CDKN2A: variants seen among roughly 807,000 people sequenced by gnomAD.
The protein encoded by CDKN2A is cyclin dependent kinase inhibitor 2A.
A neutral mutation model predicts 11.1 loss-of-function variants in CDKN2A; 3 were observed. The ratio of observed to expected loss-of-function variants is 0.27; its 90% confidence interval spans 0.12 to 0.70. CDKN2A has a LOEUF of 0.70. Among genes scored for constraint, CDKN2A ranks in the 30% least tolerant of loss-of-function variants. The pLI is 0.77. For synonymous variants in CDKN2A, 122 were observed against 108.1 expected, an observed-to-expected ratio of 1.13 and a Z score of -0.80; for missense variants, 265 against 233.6, an observed-to-expected ratio of 1.13 and a Z score of -0.88.
At chr9:21,972,017 AC>A (rs1039760782) in intron 1 of CDKN2A, among the ~76,000 whole-genome samples, 4 of 148,144 alleles carry the variant, frequency 2.7e-5, no homozygotes, top group African/African-American at 1.0e-4. Context: ...CATTCCTCCC[AC>A]CCCCCAGCTC....
intron 1 of CDKN2A, among the ~76,000 whole-genome samples, chr9:21,971,563 T>A: frequency 6.9e-6 from 1 of 144,742 alleles, no homozygotes; most frequent in East Asian, 2.1e-4. Context: ...TGAAATTATG[T>A]TAGGCCTGGA....
chr9:21,987,809 A>G (rs1233383534), intron 2 of CDKN2A, among the ~76,000 whole-genome samples: 2 of 152,212 alleles, frequency 1.3e-5, no homozygotes, highest in African/African-American at 4.8e-5. Flanking sequence ...ATAAAGAAGC[A>G]GAAATAAGGT....
In CDKN2A at chr9:21,970,998, G is replaced by A. The variant is rs142371511; in HGVS notation, c.361C>T (p.Leu121=). 9.1e-5 allele frequency: 146 copies of A among 1,609,492 alleles called. 1 individual carries two copies. The highest frequency in any genetic ancestry group is 5.1e-6 in the Non-Finnish European group (6 of 1,179,964). The change falls in exon 2 of 3, where the codon CTG becomes TTG. Residue 121 remains leucine, a synonymous_variant. Coordinates refer to ENST00000304494, the MANE Select transcript of CDKN2A (RefSeq NM_000077.5). ...TACCGTGCGACATCGCGATGGCCCA[G>A]CTCCTCAGCCAGGTCCACGGGCAGA... is the stretch of plus-strand genomic sequence containing the variant. ...GRLPVDLAEE[L]GHRDVARYLR...
intron 2 of CDKN2A, 117 bp downstream of exon 2, chr9:21,970,785 G>T (rs974496107): frequency 1.5e-5 from 20 of 1,299,992 alleles, no homozygotes; most frequent in South Asian, 1.4e-4. Context: ...CGATTGGCGC[G>T]TGAGCTGAGG....
intron 2 of CDKN2A, among the ~76,000 whole-genome samples, chr9:21,983,452 TTAACAGCTG>T (rs1313930054): frequency 6.6e-6 from 1 of 152,092 alleles, no homozygotes; most frequent in African/African-American, 2.4e-5. Context: ...AATGCTACTT[TTAACAGCTG>T]TAACACATCC....
chr9:21,968,394 C>G lies in CDKN2A; in HGVS notation c.458-152G>C. 3.3e-6 allele frequency: 5 copies of G among 1,519,784 alleles called. No individual in the cohort carries two copies. Among genetic ancestry groups the G allele is most frequent in the Non-Finnish European group, 4.4e-6 (5 of 1,126,084 alleles). 94.1% of individuals were successfully genotyped at this position (1,519,784 alleles called of 1,614,324 possible). A position where few individuals can be genotyped will look rare whatever the true frequency, so the allele number is the denominator to read the frequency against. On this transcript the variant is annotated intron_variant, in intron 2 of 2. Coordinates refer to ENST00000304494, the MANE Select transcript of CDKN2A (RefSeq NM_000077.5). This position sits in a 1 kb window ranked among gnomAD's most constrained non-coding sequence, Gnocchi z 4.7. ...TTCACGTGCATGTACCCGCCGCCAC[C>G]GCTCTCCCACACCTCCCTGGTCCAG...
At chr9:21,971,369 C>T (rs1219070992) in intron 1 of CDKN2A, 161 bp from the exon 2 acceptor site, 2 of 1,487,190 alleles carry the variant, frequency 1.3e-6, no homozygotes, top group East Asian at 4.9e-5. Flanking sequence ...TTCTTGAGTT[C>T]TCTATCCATT....
At chr9:21,992,581 TA>T (rs2131143669) in intron 2 of CDKN2A, 1 of 373,236 alleles carries the variant, frequency 2.7e-6, no homozygotes, top group East Asian at 1.6e-4. Flanking sequence ...TTCTCTAACT[TA>T]AAATCACCAC....
intron 1 of CDKN2A, chr9:21,994,363 G>C (rs2131149255): frequency 6.2e-7 from 1 of 1,607,238 alleles, no homozygotes; most frequent in Admixed American, 1.7e-5. Context: ...GAGCTCGGCA[G>C]CCGCTGCGCC....
chr9:21,991,695 T>C lies in CDKN2A; in HGVS notation c.-4+2187A>G. 1.3e-5 allele frequency: 13 copies of C among 982,744 alleles called. No homozygotes were observed. The highest frequency in any genetic ancestry group is 1.6e-5 in the Non-Finnish European group (13 of 827,448). 60.9% of individuals were successfully genotyped at this position (982,744 alleles called of 1,614,324 possible). On this transcript the variant is annotated intron_variant, in intron 2 of 3. Coordinates refer to the CDKN2A transcript ENST00000494262. This position sits in a 1 kb window ranked among gnomAD's most constrained non-coding sequence, Gnocchi z 5.2. ...GGAATAATAGATCTGTAAACCATCATAGACGGTAATAGGCTATGTTGTTGC... is the reference window on the plus strand; with the variant it reads ...GGAATAATAGATCTGTAAACCATCACAGACGGTAATAGGCTATGTTGTTGC...
upstream of CDKN2A, among the ~76,000 whole-genome samples, chr9:21,977,597 C>G (rs1820070925): frequency 6.6e-6 from 1 of 152,094 alleles, no homozygotes; most frequent in South Asian, 2.1e-4. Context: ...AACTCCTGAC[C>G]TCAGGTGATC....
chr9:21,976,153 C>G (rs1458683408), upstream of CDKN2A, among the ~76,000 whole-genome samples: 1 of 152,012 alleles, frequency 6.6e-6, no homozygotes, highest in Non-Finnish European at 1.5e-5. Flanking sequence ...CCGAGGCGGG[C>G]AGATCACCTG....
At chr9:21,976,041 C>G (rs1258373706), upstream of CDKN2A, among the ~76,000 whole-genome samples, 2 of 152,072 alleles carry the variant, frequency 1.3e-5, no homozygotes, top group Non-Finnish European at 2.9e-5. Context: ...TTGAATTATC[C>G]GCTTTGAGGA....
rs556453912 is a variant in CDKN2A, at chr9:21,991,956, A to T, written c.-4+1926T>A. On this transcript the variant is annotated intron_variant, in intron 2 of 3. Coordinates refer to the CDKN2A transcript ENST00000494262. The surrounding 1 kb of genome is among the most constrained non-coding windows in gnomAD (Gnocchi z 5.2). ...CTTCTGAAGTAGCTATAAACAAATGAATATTTAACTTCATAATAAAAATAT... is the reference window on the plus strand; with the variant it reads ...CTTCTGAAGTAGCTATAAACAAATGTATATTTAACTTCATAATAAAAATAT... The T allele has an allele frequency of 3.1e-6, 3 of 982,302 alleles. No individual in the cohort carries two copies. In the African/African-American group the frequency reaches 5.2e-5, roughly 17 times the overall value. The allele number at this position is 982,302 out of a possible 1,614,324, so 60.8% of individuals were successfully genotyped here. A position where few individuals can be genotyped will look rare whatever the true frequency, so the allele number is the denominator to read the frequency against.
rs781066926 is a variant in CDKN2A at position 21,974,785 on chromosome 9, A to G, written c.43T>C (p.Trp15Arg). The G allele has an allele frequency of 1.9e-6, 3 of 1,607,602 alleles. No individual in the cohort carries two copies. In the South Asian group the frequency reaches 3.3e-5, roughly 18 times the overall value. Reference sequence around the variant, plus strand: ...CCCCGGGCCGCGGCCGTGGCCAGCCAGTCAGCCGAAGGCTCCATGCTGCTC... The same window carrying G: ...CCCCGGGCCGCGGCCGTGGCCAGCCGGTCAGCCGAAGGCTCCATGCTGCTC... ...AGSSMEPSAD[W>R]LATAAARGRV... The change falls in exon 1 of 3, where the codon TGG becomes CGG. Residue 15 changes from tryptophan (W) to arginine (R), a missense_variant. Trp to Arg is a moderately radical substitution (Grantham distance 101, BLOSUM62 -3). Coordinates refer to ENST00000304494, the MANE Select transcript of CDKN2A (RefSeq NM_000077.5). This position sits in a 1 kb window ranked among gnomAD's most constrained non-coding sequence, Gnocchi z 5.2.
chr9:21,971,257 C>T lies in CDKN2A; in HGVS notation c.151-49G>A, dbSNP rs770185519. 43 of 1,571,922 alleles carry T rather than the reference C, an allele frequency of 2.7e-5. No homozygotes were observed. Among genetic ancestry groups the T allele is most frequent in the Non-Finnish European group, 3.7e-5 (43 of 1,167,400 alleles). ...AGAGCCAGGGTGGGGGCCGGCATGA[C>T]GGAAAGGAAGCTTGTGTAGAGCCCC... On this transcript the variant is annotated intron_variant, in intron 1 of 2. Coordinates refer to ENST00000304494, the MANE Select transcript of CDKN2A (RefSeq NM_000077.5).
intron 2 of CDKN2A, among the ~76,000 whole-genome samples, chr9:21,993,049 G>A (rs3731191): frequency 0.088 from 13,345 of 152,204 alleles, 1,669 homozygotes; most frequent in African/African-American, 0.28. Context: ...AACACTGATA[G>A]TTTTAACAGG....
chr9:21,987,642 C>G (rs1400747266), intron 2 of CDKN2A, among the ~76,000 whole-genome samples: 5 of 152,028 alleles, frequency 3.3e-5, no homozygotes, highest in Non-Finnish European at 4.4e-5. Flanking sequence ...ACAAGACATT[C>G]TTTTCCAATT....
rs978853750 is a variant in CDKN2A at position 21,994,576 on chromosome 9, T to G, written c.-176+245A>C. The G allele has an allele frequency of 2.0e-5, 18 of 906,930 alleles. No homozygotes were observed. The African/African-American group carries it at 3.0e-4, about 15-fold the overall frequency. 56.2% of individuals were successfully genotyped at this position (906,930 alleles called of 1,614,324 possible). On this transcript the variant is annotated intron_variant, in intron 1 of 3. Coordinates refer to the CDKN2A transcript ENST00000494262. Reference sequence around the variant, plus strand: ...AAGATCTCGGAACGGCTCTGAGCCCTGCGCACGCGGGAAGGGCTGCCGGAG... The same window carrying G: ...AAGATCTCGGAACGGCTCTGAGCCCGGCGCACGCGGGAAGGGCTGCCGGAG...
Sources: allele counts gnomAD v4.1 joint callset (sites outside exome capture counted in the v4.1 genomes callset), GRCh38; gene constraint gnomAD v4.1.1; non-coding constraint Gnocchi (gnomAD v3.1); transcripts MANE v1.5; gene names NCBI Gene and HGNC (gene_info 2026-07-23, HGNC 2026-07-21).